Variants in TTC23 observed in about 807,000 individuals in gnomAD.
The protein encoded by TTC23 is tetratricopeptide repeat domain 23.
Under a neutral mutation model 55.1 loss-of-function variants are expected in TTC23, and 58 were observed. The ratio of observed to expected loss-of-function variants is 1.05; its 90% CI spans 0.85 to 1.31. The LOEUF is 1.31. Among genes scored for constraint, TTC23 ranks in the 50% most tolerant of loss-of-function variants. TTC23 has a pLI of 0.00. For missense variants in TTC23, 516 were observed against 534.4 expected (o/e 0.97, Z 0.34); for synonymous variants, 203 against 199.9 (o/e 1.02, Z -0.13).
chr15:99,170,816 C>G (rs1240851554), intron 10 of TTC23, among the ~76,000 whole-genome samples: 6 of 152,340 alleles, frequency 3.9e-5, no homozygotes, highest in Non-Finnish European at 5.9e-5. Context: ...TGCTGCAGCC[C>G]CTGGCTGGGT....
rs565231839 is a variant in TTC23 at position 99,136,790 on chromosome 15, C to T, written c.*1220G>A. 3 of 152,128 alleles carry T rather than the reference C, an allele frequency of 2.0e-5. No individual in the cohort carries two copies. Among genetic ancestry groups the T allele is most frequent in the South Asian group, 2.1e-4 (1 of 4,824 alleles). 9.4% of individuals were successfully genotyped at this position (152,128 alleles called of 1,614,324 possible). A position where few individuals can be genotyped will look rare whatever the true frequency, so the allele number is the denominator to read the frequency against. On this transcript the variant is annotated 3_prime_UTR_variant, in exon 14 of 14. Coordinates refer to ENST00000394132, the MANE Select transcript of TTC23 (RefSeq NM_001288615.3). ...ACGTTTTTAGCACACTGCTGATGTCCGACAGGCCTGGGTCTGGGACCAGTG... is the reference window on the plus strand; with the variant it reads ...ACGTTTTTAGCACACTGCTGATGTCTGACAGGCCTGGGTCTGGGACCAGTG...
chr15:99,214,400 C>T (rs530874904), intron 8 of TTC23, among the ~76,000 whole-genome samples: 51 of 148,250 alleles, frequency 3.4e-4, no homozygotes, highest in African/African-American at 1.1e-3. Context: ...CCCCACTACT[C>T]GGGAGCTGAG....
At position 99,219,619 on chromosome 15, in the gene TTC23, A is replaced by C. The variant is rs141619065; in HGVS notation, c.305-571T>G. Among the ~76,000 whole-genome samples, 221 of 152,256 alleles carry C rather than the reference A, an allele frequency of 1.5e-3. 1 individual carries two copies. Among genetic ancestry groups the C allele is most frequent in the Middle Eastern group, 3.4e-3 (1 of 294 alleles). Reference sequence around the variant, plus strand: ...TCCTATGTGGTAAGAGACTAATATGAAACAAAGTGGAGCAAAAAAAAATCA... The same window carrying C: ...TCCTATGTGGTAAGAGACTAATATGCAACAAAGTGGAGCAAAAAAAAATCA... On this transcript the variant is annotated intron_variant, in intron 6 of 13. Coordinates refer to ENST00000394132, the MANE Select transcript of TTC23 (RefSeq NM_001288615.3).
intron 12 of TTC23, among the ~76,000 whole-genome samples, chr15:99,154,662 A>C (rs2070299819): frequency 6.6e-6 from 1 of 152,222 alleles, no homozygotes; most frequent in Non-Finnish European, 1.5e-5. Flanking sequence ...GTGTGAAATA[A>C]GTTTATTTAT....
chr15:99,183,638 C>A (rs1170381230), intron 9 of TTC23, among the ~76,000 whole-genome samples: 1 of 151,752 alleles, frequency 6.6e-6, no homozygotes, highest in African/African-American at 2.4e-5. Flanking sequence ...CGCTCCTGGC[C>A]TGGTGGAAGA....
intron 3 of TTC23, among the ~76,000 whole-genome samples, chr15:99,235,286 T>C (rs1259237754): frequency 2.0e-5 from 3 of 150,952 alleles, no homozygotes; most frequent in Non-Finnish European, 4.4e-5. Context: ...AAAAAATATA[T>C]ATATATAAAA....
At chr15:99,229,823 A>G (rs2078786010) in intron 4 of TTC23, among the ~76,000 whole-genome samples, 1 of 152,262 alleles carries the variant, frequency 6.6e-6, no homozygotes, top group South Asian at 2.1e-4. Flanking sequence ...TAGAGTACTC[A>G]GAAGCCTTTC....
At chr15:99,192,805 G>A (rs1054533332) in intron 9 of TTC23, among the ~76,000 whole-genome samples, 15 of 152,288 alleles carry the variant, frequency 9.8e-5, no homozygotes, top group African/African-American at 2.9e-4. Context: ...TGCACCGTGT[G>A]CCTGGAAAAG....
chr15:99,248,355 G>C (rs1454487887), intron 1 of TTC23: 1 of 152,116 alleles, frequency 6.6e-6, no homozygotes, highest in Non-Finnish European at 1.5e-5. Flanking sequence ...GGGAATTCCG[G>C]CTCTTTATAT....
chr15:99,179,778 C>T (rs528211648), intron 9 of TTC23, among the ~76,000 whole-genome samples: 1 of 152,296 alleles, frequency 6.6e-6, no homozygotes, highest in Admixed American at 6.5e-5. Flanking sequence ...CTGCTCCCAG[C>T]TAGCTGCCCC....
chr15:99,229,341 G>T (rs1413784828), intron 4 of TTC23, among the ~76,000 whole-genome samples: 2 of 152,130 alleles, frequency 1.3e-5, no homozygotes, highest in African/African-American at 4.8e-5. Context: ...AAAACAAACA[G>T]ATAAGCAGCC....
intron 8 of TTC23, among the ~76,000 whole-genome samples, chr15:99,205,395 A>T (rs2076542168): frequency 6.6e-6 from 1 of 152,164 alleles, no homozygotes; most frequent in African/African-American, 2.4e-5. Flanking sequence ...TCGTAGGCAC[A>T]TTTCAACAAT....
chr15:99,221,909 G>A (rs2152053301), intron 5 of TTC23, 45 bp from the exon 6 acceptor site: 1 of 1,602,258 alleles, frequency 6.2e-7, no homozygotes, highest in East Asian at 2.2e-5. Context: ...CAACTTAAGA[G>A]TCACAAAACA....
At chr15:99,139,424 T>A (rs1555489027) in intron 12 of TTC23, 25 bp from the exon 13 acceptor site, 1 of 1,613,738 alleles carries the variant, frequency 6.2e-7, no homozygotes, top group Admixed American at 1.7e-5. Flanking sequence ...GCAGCTATCA[T>A]GAGGCTATGG....
chr15:99,235,771 C>T (rs1242123985), intron 3 of TTC23, among the ~76,000 whole-genome samples: 2 of 152,166 alleles, frequency 1.3e-5, no homozygotes, highest in East Asian at 3.8e-4. Flanking sequence ...CTTCACCTTG[C>T]AAAACTGACA....
chr15:99,201,231 C>T (rs2076173039), intron 8 of TTC23, among the ~76,000 whole-genome samples: 1 of 152,160 alleles, frequency 6.6e-6, no homozygotes, highest in Non-Finnish European at 1.5e-5. Context: ...TCTATACCTT[C>T]TTAGAATAAG....
chr15:99,217,108 A>C (rs2077531430), intron 8 of TTC23, among the ~76,000 whole-genome samples: 1 of 152,206 alleles, frequency 6.6e-6, no homozygotes, highest in African/African-American at 2.4e-5. Context: ...GGAAAAAATA[A>C]GAAGCAGAAT....
At chr15:99,175,762 A>G (rs2073476108) in intron 9 of TTC23, among the ~76,000 whole-genome samples, 1 of 152,230 alleles carries the variant, frequency 6.6e-6, no homozygotes, top group African/African-American at 2.4e-5. Flanking sequence ...TGGGAGGCCA[A>G]GGCAGGTGGA....
intron 8 of TTC23, among the ~76,000 whole-genome samples, chr15:99,209,823 C>T (rs2076899765): frequency 6.6e-6 from 1 of 152,170 alleles, no homozygotes; most frequent in South Asian, 2.1e-4. Context: ...CAACCTCTGC[C>T]TCCCGGTCTC....
Sources: allele counts gnomAD v4.1 joint callset (sites outside exome capture counted in the v4.1 genomes callset), GRCh38; gene constraint gnomAD v4.1.1; transcripts MANE v1.5; gene names NCBI Gene and HGNC (gene_info 2026-07-23, HGNC 2026-07-21).